The following RBFOX1 variants were observed in gnomAD, a reference collection of about 807,000 sequenced individuals.
RBFOX1 encodes the protein RNA binding fox-1 homolog 1, also known as RNA binding protein fox-1 homolog 1.
RBFOX1 carries 8 observed loss-of-function variants against 57.7 expected under a neutral mutation model. The ratio of observed to expected loss-of-function variants is 0.14; its 90% CI spans 0.08 to 0.25. RBFOX1 has a LOEUF of 0.25. RBFOX1 is among the 10% of genes least tolerant of loss of function. RBFOX1 has a pLI of 1.00. For missense variants in RBFOX1, 611 were observed against 548.5 expected (o/e 1.11, Z -1.14); for synonymous variants, 326 against 222.4 (o/e 1.47, Z -4.15).
rs367860016 is a variant in RBFOX1, at chr16:5,270,348, C to T, written c.219+30243C>T. 1.5e-5 allele frequency: 15 copies of T among 976,114 alleles called. No individual in the cohort carries two copies. In the African/African-American group the frequency reaches 2.4e-4, roughly 16 times the overall value. The allele number at this position is 976,114 out of a possible 1,614,324, so 60.5% of individuals were successfully genotyped here. ...AGGACCCGAGGAACCCAAATTGCATCTGATGGTCTCAAGGGTCTTGTGTTT... is the reference window on the plus strand; with the variant it reads ...AGGACCCGAGGAACCCAAATTGCATTTGATGGTCTCAAGGGTCTTGTGTTT... On this transcript the variant is annotated intron_variant, in intron 1 of 2. Coordinates refer to the RBFOX1 transcript ENST00000585867.
chr16:7,097,873 C>A (rs1468598935), intron 4 of RBFOX1, among the ~76,000 whole-genome samples: 1 of 152,156 alleles, frequency 6.6e-6, no homozygotes, highest in Non-Finnish European at 1.5e-5. Flanking sequence ...GTTGGGGAAT[C>A]CTTGAATAAA....
chr16:6,923,046 G>A (rs776008218), intron 3 of RBFOX1, among the ~76,000 whole-genome samples: 4 of 152,132 alleles, frequency 2.6e-5, no homozygotes, highest in Non-Finnish European at 5.9e-5. Context: ...GTGCAGTACC[G>A]TCGGCTGTTT....
intron 3 of RBFOX1, among the ~76,000 whole-genome samples, chr16:5,719,590 C>T (rs116834506): frequency 6.6e-6 from 1 of 152,170 alleles, no homozygotes; most frequent in African/African-American, 2.4e-5. Context: ...CAGGCCCTGG[C>T]AATTACTAAT....
intron 2 of RBFOX1, among the ~76,000 whole-genome samples, chr16:6,339,117 A>G (rs191272718): frequency 3.9e-4 from 60 of 152,348 alleles, no homozygotes; most frequent in African/African-American, 1.4e-3. Context: ...TCATTGATTC[A>G]TTAAATGAAT....
At chr16:6,804,569 G>A (rs1025450563) in intron 3 of RBFOX1, among the ~76,000 whole-genome samples, 1 of 152,148 alleles carries the variant, frequency 6.6e-6, no homozygotes, top group African/African-American at 2.4e-5. Context: ...TGTGGCTACT[G>A]TGGAAGCTAG....
chr16:5,973,797 G>A (rs936391670), intron 4 of RBFOX1, among the ~76,000 whole-genome samples: 20 of 152,204 alleles, frequency 1.3e-4, no homozygotes, highest in African/African-American at 4.8e-4. Context: ...GCAAGGACAA[G>A]GATCTGTCTC....
At chr16:6,014,865 T>C (rs957134491), upstream of RBFOX1, among the ~76,000 whole-genome samples, 1 of 151,918 alleles carries the variant, frequency 6.6e-6, no homozygotes, top group African/African-American at 2.4e-5. Flanking sequence ...GATTTTTTTT[T>C]TTTTTTCTGA....
chr16:7,082,554 C>G (rs1439998093), intron 4 of RBFOX1, among the ~76,000 whole-genome samples: 1 of 147,752 alleles, frequency 6.8e-6, no homozygotes, highest in Non-Finnish European at 1.5e-5. Context: ...AGAGTGAGAC[C>G]ATGTCTCAAA....
intron 5 of RBFOX1, among the ~76,000 whole-genome samples, chr16:7,548,839 G>A (rs1247761636): frequency 2.0e-5 from 3 of 152,202 alleles, no homozygotes; most frequent in Non-Finnish European, 4.4e-5. Flanking sequence ...AGGCATGATG[G>A]CATGTTCCTG....
At chr16:7,596,394 C>A (rs1262353108) in intron 8 of RBFOX1, among the ~76,000 whole-genome samples, 1 of 151,692 alleles carries the variant, frequency 6.6e-6, no homozygotes, top group Admixed American at 6.6e-5. Context: ...GTTACAAATG[C>A]TTTAGTCTTT....
rs115140415 is a variant in RBFOX1, at chr16:5,685,633, C to G, written c.318+86672C>G. 7.6e-3 allele frequency among the ~76,000 whole-genome samples: 1,157 copies of G among 152,264 alleles called. 13 individuals carry two copies. The highest frequency in any genetic ancestry group is 0.026 in the African/African-American group (1,078 of 41,556). ...TTCTTTCATATAAGTTAATCCATTT[C>G]TTTTTTGTGTGAAAAGGTGAGCTGT... On this transcript the variant is annotated intron_variant, in intron 3 of 19. Transcript: ENST00000641259.
At chr16:7,658,681 C>A (rs1179641238) in intron 12 of RBFOX1, among the ~76,000 whole-genome samples, 2 of 152,160 alleles carry the variant, frequency 1.3e-5, no homozygotes, top group African/African-American at 2.4e-5. Context: ...CTATTAGGTA[C>A]CGTGCATATT....
At chr16:6,610,369 C>G (rs1288028193) in intron 2 of RBFOX1, among the ~76,000 whole-genome samples, 1 of 152,152 alleles carries the variant, frequency 6.6e-6, no homozygotes, top group Non-Finnish European at 1.5e-5. Flanking sequence ...CCACTATCAC[C>G]CAGGCTGGAG....
At chr16:5,815,710 TC>T (rs2055609548) in intron 3 of RBFOX1, among the ~76,000 whole-genome samples, 1 of 152,150 alleles carries the variant, frequency 6.6e-6, no homozygotes, top group African/African-American at 2.4e-5. Flanking sequence ...AAATTAATCT[TC>T]TTGTAAAACC....
chr16:6,234,099 A>T (rs2097486809), intron 1 of RBFOX1, among the ~76,000 whole-genome samples: 2 of 152,146 alleles, frequency 1.3e-5, no homozygotes, highest in African/African-American at 4.8e-5. Flanking sequence ...AAGAGCATTC[A>T]TCCCACTCAT....
chr16:7,285,570 G>A (rs1394846635), intron 4 of RBFOX1, among the ~76,000 whole-genome samples: 1 of 146,750 alleles, frequency 6.8e-6, no homozygotes, highest in Non-Finnish European at 1.5e-5. Context: ...CCTAATTTCT[G>A]GCAAACACTA....
At chr16:7,510,345 A>G in intron 4 of RBFOX1, 4 of 985,088 alleles carry the variant, frequency 4.1e-6, no homozygotes, top group Non-Finnish European at 4.8e-6. Context: ...TTAATCTTTC[A>G]CTCAAAATTG....
chr16:6,431,087 A>G (rs2094068848), intron 2 of RBFOX1, among the ~76,000 whole-genome samples: 1 of 151,994 alleles, frequency 6.6e-6, no homozygotes, highest in African/African-American at 2.4e-5. Context: ...GCAGTGAGCC[A>G]GGATTGTGCC....
At position 7,029,067 on chromosome 16, in the gene RBFOX1, T is replaced by TAC. The variant is rs775575535; in HGVS notation, c.-15-22989_-15-22988insCA. Among the ~76,000 whole-genome samples, 172 of 34,676 alleles carry TAC rather than the reference T, an allele frequency of 5.0e-3. 18 individuals are homozygous for TAC. The highest frequency in any genetic ancestry group is 6.4e-3 in the Non-Finnish European group (140 of 21,780). 22.7% of individuals were successfully genotyped at this position (34,676 alleles called of 152,430 possible). A position where few individuals can be genotyped will look rare whatever the true frequency, so the allele number is the denominator to read the frequency against. ...AAAGCTATATATATATATATATATA[T>TAC]ATATATATATATATACACACACACA... On this transcript the variant is annotated intron_variant, in intron 3 of 15. Coordinates refer to ENST00000550418, the MANE Select transcript of RBFOX1 (RefSeq NM_018723.4).
Sources: allele counts gnomAD v4.1 joint callset (sites outside exome capture counted in the v4.1 genomes callset), GRCh38; gene constraint gnomAD v4.1.1; transcripts MANE v1.5; gene names NCBI Gene and HGNC (gene_info 2026-07-23, HGNC 2026-07-21).